The following ADPRHL1 variants were observed in gnomAD, a reference collection of about 807,000 sequenced individuals.
ADPRHL1 encodes the protein ADP-ribosylhydrolase like 1.
In ADPRHL1, 43 loss-of-function variants were observed where a neutral mutation model predicts 44.1. The observed-to-expected ratio is 0.98, with a 90% CI of 0.76 to 1.26. The LOEUF (loss-of-function observed/expected upper bound fraction) is 1.26. ADPRHL1 is among the 50% of genes most tolerant of loss of function. The probability of loss-of-function intolerance (pLI) is 0.00; values close to 1 mark genes in which losing one functional copy is unlikely to be tolerated. For missense variants in ADPRHL1, 2,022 were observed against 2,496.9 expected, an observed-to-expected ratio of 0.81 and a Z score of 4.05; for synonymous variants, 878 against 1,017.4, an observed-to-expected ratio of 0.86 and a Z score of 2.61.
At position 113,451,086 on chromosome 13, in the gene ADPRHL1, T is replaced by C. The variant is rs2044176252; in HGVS notation, c.214+2138A>G. Reference sequence around the variant, plus strand: ...GTCACAGCTAGACCAAGGAGCCATCTGGTGGCCCTGTCCGGGCATAACAGA... The same window carrying C: ...GTCACAGCTAGACCAAGGAGCCATCCGGTGGCCCTGTCCGGGCATAACAGA... On this transcript the variant is annotated intron_variant, in intron 1 of 7. Transcript: ENST00000612156. 2.0e-5 allele frequency among the ~76,000 whole-genome samples: 3 copies of C among 152,216 alleles called. No homozygotes were observed. In the South Asian group the frequency reaches 6.2e-4, roughly 32 times the overall value.
chr13:113,439,444 A>AAT lies in ADPRHL1; in HGVS notation c.379+4980_379+4981insAT, dbSNP rs1566479890. Among the ~76,000 whole-genome samples, 8 of 137,860 alleles carry AAT rather than the reference A, an allele frequency of 5.8e-5. 1 individual carries two copies. The highest frequency in any genetic ancestry group is 7.7e-5 in the Non-Finnish European group (5 of 64,742). 90.4% of individuals were successfully genotyped at this position (137,860 alleles called of 152,430 possible). A position where few individuals can be genotyped will look rare whatever the true frequency, so the allele number is the denominator to read the frequency against. ...AGCCTGGGCCTACAGTTTTCTTTGTATTTTTTTTTTTTTTTTTTTCCTGAG... is the reference window on the plus strand; with the variant it reads ...AGCCTGGGCCTACAGTTTTCTTTGTAATTTTTTTTTTTTTTTTTTTTCCTGAG... On this transcript the variant is annotated intron_variant, in intron 2 of 7. Transcript: ENST00000612156.
At chr13:113,414,409 G>T (rs114930977) in intron 7 of ADPRHL1, among the ~76,000 whole-genome samples, 5,548 of 147,240 alleles carry the variant, frequency 0.038, 198 homozygotes, top group African/African-American at 0.089. Context: ...TGGCAGATTG[G>T]CCCCCACCCT....
At chr13:113,435,922 G>A (rs2044050811) in intron 2 of ADPRHL1, among the ~76,000 whole-genome samples, 1 of 148,664 alleles carries the variant, frequency 6.7e-6, no homozygotes, top group Non-Finnish European at 1.5e-5. Context: ...GGTGAACATA[G>A]GTGTACCCCG....
intron 4 of ADPRHL1, among the ~76,000 whole-genome samples, chr13:113,428,202 T>C (rs921571655): frequency 6.8e-6 from 1 of 147,050 alleles, no homozygotes; most frequent in African/African-American, 2.6e-5. Context: ...TGAGATTGCA[T>C]CATTGCACTC....
chr13:113,407,039 G>A lies in ADPRHL1; in HGVS notation c.2243C>T (p.Ala748Val). Residue 748 changes from alanine to valine, a missense_variant, in exon 8 of 8, where the codon GCA becomes GTA. Physicochemically the swap from Ala to Val is moderately conservative, Grantham distance 64. Around this residue, in one of 8 missense-constraint regions of ADPRHL1, gnomAD observed 1,221 missense variants for 1,517.8 expected, o/e 0.80. Transcript: ENST00000612156. Reference protein sequence around the residue: ...AGGDGTADPTAESTAGGVQEV... With the variant: ...AGGDGTADPTVESTAGGVQEV... ...CTGGACGCCTCCTGCGGTGCTCTCT[G>A]CGGTGGGGTCTGCAGTCCCATCACC... 8.1e-7 allele frequency: 1 copy of A among 1,232,248 alleles called. No individual in the cohort carries two copies. Among genetic ancestry groups the A allele is most frequent in the Non-Finnish European group, 1.0e-6 (1 of 988,060 alleles). The allele number at this position is 1,232,248 out of a possible 1,614,324, so 76.3% of individuals were successfully genotyped here.
At chr13:113,423,550 C>T (rs1298759803) in intron 6 of ADPRHL1, among the ~76,000 whole-genome samples, 1 of 152,238 alleles carries the variant, frequency 6.6e-6, no homozygotes, top group African/African-American at 2.4e-5. Flanking sequence ...TCAAGCTCAG[C>T]TCCAAGCCTC....
chr13:113,439,254 C>G (rs758313457), intron 2 of ADPRHL1, among the ~76,000 whole-genome samples: 3 of 152,040 alleles, frequency 2.0e-5, no homozygotes, highest in Non-Finnish European at 2.9e-5. Context: ...TCCTGAATAG[C>G]TGGGACTACA....
chr13:113,434,235 T>A (rs1344030035), intron 2 of ADPRHL1, among the ~76,000 whole-genome samples: 1 of 152,050 alleles, frequency 6.6e-6, no homozygotes, highest in Non-Finnish European at 1.5e-5. Context: ...CCTAAGATTT[T>A]TATACTGGTG....
rs912521066 is a variant in ADPRHL1 at position 113,405,914 on chromosome 13, C to T, written c.3368G>A (p.Arg1123His). The change falls in exon 8 of 8, where the codon CGC (arginine) becomes CAC (histidine). Residue 1123 changes from arginine to histidine, a missense_variant. Arg to His is a conservative substitution (Grantham distance 29). Coordinates refer to ENST00000612156, the MANE Select transcript of ADPRHL1 (RefSeq NM_001394807.1). ...AMAAAGSVAS[R>H]ATPAPAPGST... Reference sequence around the variant, plus strand: ...GCCTGGCGCTGGTGCAGGCGTGGCGCGGCTCGCAACGCTCCCTGCAGCTGC... The same window carrying T: ...GCCTGGCGCTGGTGCAGGCGTGGCGTGGCTCGCAACGCTCCCTGCAGCTGC... 31 of 1,232,068 alleles carry T rather than the reference C, an allele frequency of 2.5e-5. No homozygotes were observed. Among genetic ancestry groups the T allele is most frequent in the Admixed American group, 4.2e-5 (1 of 23,734 alleles). 76.3% of individuals were successfully genotyped at this position (1,232,068 alleles called of 1,614,324 possible).
intron 7 of ADPRHL1, among the ~76,000 whole-genome samples, chr13:113,421,035 G>A (rs9577542): frequency 0.44 from 34,580 of 77,942 alleles, 7,941 homozygotes; most frequent in East Asian, 0.67. Flanking sequence ...CCTACCCCCC[G>A]CCAACATGCC....
chr13:113,451,671 G>A (rs1315182174), intron 1 of ADPRHL1, among the ~76,000 whole-genome samples: 1 of 152,128 alleles, frequency 6.6e-6, no homozygotes, highest in Non-Finnish European at 1.5e-5. Flanking sequence ...AGCCGGGCGT[G>A]GTGGTGGGCA....
rs1331693175 is a variant in ADPRHL1 at position 113,409,419 on chromosome 13, A to C, written c.1062-1199T>G. The C allele has an allele frequency of 6.1e-6, 6 of 985,302 alleles. No homozygotes were observed. The African/African-American group carries it at 8.7e-5, about 14-fold the overall frequency. The allele number at this position is 985,302 out of a possible 1,614,324, so 61.0% of individuals were successfully genotyped here. A position where few individuals can be genotyped will look rare whatever the true frequency, so the allele number is the denominator to read the frequency against. Reference sequence around the variant, plus strand: ...GAACAAAGACTCGAGTATTACAGGAAAAGTCGCCTTCATGGTGCCGTTTAT... The same window carrying C: ...GAACAAAGACTCGAGTATTACAGGACAAGTCGCCTTCATGGTGCCGTTTAT... On this transcript the variant is annotated intron_variant, in intron 7 of 7. Transcript: ENST00000612156. This position sits in a 1 kb window ranked among gnomAD's most constrained non-coding sequence, Gnocchi z 4.2.
intron 2 of ADPRHL1, among the ~76,000 whole-genome samples, chr13:113,440,639 G>A (rs1169508231): frequency 6.6e-6 from 1 of 151,970 alleles, no homozygotes; most frequent in Non-Finnish European, 1.5e-5. Context: ...ATTTTTAGTA[G>A]AGACAGGGTT....
chr13:113,451,745 T>A (rs1287436722), intron 1 of ADPRHL1, among the ~76,000 whole-genome samples: 1 of 151,898 alleles, frequency 6.6e-6, no homozygotes, highest in African/African-American at 2.4e-5. Flanking sequence ...GAGGTGGAGG[T>A]TGCAGTGAGC....
At chr13:113,429,669 A>C (rs1480854652) in intron 3 of ADPRHL1, among the ~76,000 whole-genome samples, 1 of 152,228 alleles carries the variant, frequency 6.6e-6, no homozygotes, top group African/African-American at 2.4e-5. Context: ...CTGTGCAGGA[A>C]GAAGGCTGAG....
At chr13:113,447,704 G>A (rs1214264445) in intron 1 of ADPRHL1, among the ~76,000 whole-genome samples, 1 of 152,230 alleles carries the variant, frequency 6.6e-6, no homozygotes, top group Non-Finnish European at 1.5e-5. Flanking sequence ...GCAAGACTGT[G>A]GTTTGGGAGA....
chr13:113,410,662 G>A (rs879625117), intron 7 of ADPRHL1, among the ~76,000 whole-genome samples: 6 of 152,132 alleles, frequency 3.9e-5, no homozygotes, highest in African/African-American at 7.2e-5. Flanking sequence ...AAGTGATCCC[G>A]GGCGGCCCCA....
intron 1 of ADPRHL1, among the ~76,000 whole-genome samples, chr13:113,449,891 C>T (rs1040315299): frequency 2.0e-5 from 3 of 152,168 alleles, no homozygotes; most frequent in African/African-American, 7.2e-5. Flanking sequence ...CTCTGGTTCC[C>T]GTCCAAGCTC....
intron 7 of ADPRHL1, among the ~76,000 whole-genome samples, chr13:113,415,313 AG>A (rs2043881643): frequency 6.6e-6 from 1 of 152,186 alleles, no homozygotes; most frequent in Non-Finnish European, 1.5e-5. Flanking sequence ...GGACCTGGAA[AG>A]GGTTTAACCA....
Sources: allele counts gnomAD v4.1 joint callset (sites outside exome capture counted in the v4.1 genomes callset), GRCh38; gene constraint gnomAD v4.1.1; regional missense constraint gnomAD v4.1.1; non-coding constraint Gnocchi (gnomAD v3.1); transcripts MANE v1.5; gene names NCBI Gene and HGNC (gene_info 2026-07-23, HGNC 2026-07-21).